Variants in TYW1 observed in about 807,000 individuals in gnomAD.
The protein encoded by TYW1 is tRNA-yW synthesizing protein 1 homolog.
Under a neutral mutation model 96.2 loss-of-function variants are expected in TYW1, and 46 were observed. The ratio of observed to expected loss-of-function variants is 0.48; its 90% CI spans 0.38 to 0.61. TYW1 has a LOEUF of 0.61. Among genes scored for constraint, TYW1 ranks in the 20% least tolerant of loss-of-function variants. TYW1 has a pLI of 0.00. For synonymous variants in TYW1, 274 were observed against 323.0 expected (o/e 0.85, Z 1.63); for missense variants, 684 against 909.6 (o/e 0.75, Z 3.19).
rs187547392 is a variant in TYW1, at chr7:67,185,716, C to T, written c.1809+2480C>T. On this transcript the variant is annotated intron_variant, in intron 14 of 15. Transcript: ENST00000359626. ...AAATAGATCATAGGTTTTATAAGCT[C>T]GAAGTTTCAGGGGTAAGATAGGGCT... 9.5e-4 allele frequency among the ~76,000 whole-genome samples: 145 copies of T among 152,038 alleles called. 1 individual carries two copies. Among genetic ancestry groups the T allele is most frequent in the African/African-American group, 3.4e-3 (140 of 41,422 alleles).
At position 67,202,763 on chromosome 7, in the gene TYW1, TGAA is replaced by T. The variant is rs377513321; in HGVS notation, c.1977+7428_1977+7430del. ...TGCAAACTGCTGCAGTCATGTTGAATGAAGGACTACTTTCCTATTCTTACACCA... is the reference window on the plus strand; with the variant it reads ...TGCAAACTGCTGCAGTCATGTTGAATGGACTACTTTCCTATTCTTACACCA... On this transcript the variant is annotated intron_variant, in intron 15 of 15. Coordinates refer to ENST00000359626, the MANE Select transcript of TYW1 (RefSeq NM_018264.4). Among the ~76,000 whole-genome samples, 36 of 152,294 alleles carry T rather than the reference TGAA, an allele frequency of 2.4e-4. No individual in the cohort carries two copies. In the East Asian group the frequency reaches 6.9e-3, roughly 29 times the overall value.
rs565098500 is a variant in TYW1 at position 67,104,474 on chromosome 7, G to A, written c.1562+5756G>A. On this transcript the variant is annotated intron_variant, in intron 12 of 15. Coordinates refer to ENST00000359626, the MANE Select transcript of TYW1 (RefSeq NM_018264.4). ...ACTCATTATCACGAGAACAGCAAGGGGGACGTCCCCATCACCCAGCCATCT... is the reference window on the plus strand; with the variant it reads ...ACTCATTATCACGAGAACAGCAAGGAGGACGTCCCCATCACCCAGCCATCT... Among the ~76,000 whole-genome samples, 4 of 152,242 alleles carry A rather than the reference G, an allele frequency of 2.6e-5. No homozygotes were observed. The South Asian group carries it at 8.3e-4, about 32-fold the overall frequency.
intron 12 of TYW1, among the ~76,000 whole-genome samples, chr7:67,117,065 T>G (rs1221022660): frequency 6.6e-6 from 1 of 152,058 alleles, no homozygotes; most frequent in African/African-American, 2.4e-5. Flanking sequence ...CGTCAGTGAT[T>G]GATGGAGGGA....
chr7:67,221,963 C>T (rs1418390830), intron 15 of TYW1, among the ~76,000 whole-genome samples: 3 of 151,604 alleles, frequency 2.0e-5, no homozygotes, highest in South Asian at 2.1e-4. Flanking sequence ...TTTGGGAGGC[C>T]GAGGTGGGCA....
chr7:67,106,904 A>G (rs901905704), intron 12 of TYW1, among the ~76,000 whole-genome samples: 1 of 152,070 alleles, frequency 6.6e-6, no homozygotes, highest in African/African-American at 2.4e-5. Flanking sequence ...CCTGCTCCCA[A>G]ATTTCATCCC....
At chr7:67,098,971 T>A (rs1181513859) in intron 12 of TYW1, among the ~76,000 whole-genome samples, 1 of 151,716 alleles carries the variant, frequency 6.6e-6, no homozygotes, top group Non-Finnish European at 1.5e-5. Flanking sequence ...TTTTTCCAAA[T>A]GGGAGAGGCA....
chr7:67,042,874 G>A (rs548656214), intron 7 of TYW1, among the ~76,000 whole-genome samples: 83 of 152,130 alleles, frequency 5.5e-4, no homozygotes, highest in African/African-American at 1.9e-3. Context: ...GCACACGCCT[G>A]TAATCCCAGC....
At chr7:67,168,004 C>T (rs1307232403) in intron 13 of TYW1, among the ~76,000 whole-genome samples, 9 of 152,102 alleles carry the variant, frequency 5.9e-5, no homozygotes, top group Admixed American at 3.3e-4. Context: ...CCGCCCACCT[C>T]GGCCTCCCAA....
rs142723188 is a variant in TYW1, at chr7:67,227,824, G to A, written c.1978-10484G>A. 2.4e-3 allele frequency among the ~76,000 whole-genome samples: 358 copies of A among 152,310 alleles called. 6 individuals carry two copies. Among genetic ancestry groups the A allele is most frequent in the Admixed American group, 0.012 (184 of 15,298 alleles). ...ATAACCCCTCTGCGATAGGACAACC[G>A]GAAGCTCCAGGCATGGAATTCTCCT... On this transcript the variant is annotated intron_variant, in intron 15 of 15. Transcript: ENST00000359626.
In TYW1 at chr7:67,122,105, T is replaced by A. The variant is rs56272520; in HGVS notation, c.1698+4487T>A. ...ATGTGTTTCTGCTGAACTATGATTA[T>A]GCCAAGGTCAAGATCCAGTAGTAAA... On this transcript the variant is annotated intron_variant, in intron 13 of 15. Coordinates refer to ENST00000359626, the MANE Select transcript of TYW1 (RefSeq NM_018264.4). 5.1e-3 allele frequency among the ~76,000 whole-genome samples: 782 copies of A among 152,198 alleles called. 5 individuals carry two copies. Among genetic ancestry groups the A allele is most frequent in the African/African-American group, 0.018 (741 of 41,476 alleles).
intron 15 of TYW1, among the ~76,000 whole-genome samples, chr7:67,214,045 A>G (rs1801129641): frequency 6.6e-6 from 1 of 152,186 alleles, no homozygotes. Context: ...AATGTCTACA[A>G]AATCACTCTC....
intron 15 of TYW1, among the ~76,000 whole-genome samples, chr7:67,208,934 A>G (rs1187091795): frequency 6.6e-6 from 1 of 152,072 alleles, no homozygotes; most frequent in Non-Finnish European, 1.5e-5. Context: ...TCATTTCTTA[A>G]TTGTAGTGAA....
At chr7:67,079,739 C>T (rs1291500455) in intron 10 of TYW1, among the ~76,000 whole-genome samples, 4 of 151,896 alleles carry the variant, frequency 2.6e-5, no homozygotes, top group Non-Finnish European at 5.9e-5. Context: ...TTATTATAAA[C>T]TTCCCTCTTA....
Position 66,998,231 on chromosome 7 carries a change from A to G in TYW1, c.135+36A>G. ...TTATTTTTTTTTTAATGGAGTATTT[A>G]GGCATCAGATTTTATAGAGGATTTA... On this transcript the variant is annotated intron_variant, in intron 2 of 15. Transcript: ENST00000359626. The G allele has an allele frequency of 3.2e-6, 5 of 1,582,068 alleles. No homozygotes were observed. The African/African-American group carries it at 6.9e-5, about 22-fold the overall frequency.
intron 10 of TYW1, among the ~76,000 whole-genome samples, chr7:67,078,621 TG>T: frequency 6.6e-6 from 1 of 152,314 alleles, no homozygotes; most frequent in Non-Finnish European, 1.5e-5. Flanking sequence ...CCCATGGAGA[TG>T]GGGTATCTTT....
intron 15 of TYW1, among the ~76,000 whole-genome samples, chr7:67,226,918 T>C (rs1340436994): frequency 1.3e-5 from 2 of 152,160 alleles, no homozygotes; most frequent in African/African-American, 4.8e-5. Flanking sequence ...ATACTTCCCC[T>C]GCTGTGTGGC....
chr7:67,118,586 G>A (rs1797668336), intron 13 of TYW1, among the ~76,000 whole-genome samples: 1 of 151,774 alleles, frequency 6.6e-6, no homozygotes, highest in Non-Finnish European at 1.5e-5. Flanking sequence ...CCGACTACAC[G>A]TAACCACCTT....
intron 13 of TYW1, among the ~76,000 whole-genome samples, chr7:67,168,482 A>G (rs1394008603): frequency 6.6e-6 from 1 of 152,162 alleles, no homozygotes; most frequent in African/African-American, 2.4e-5. Context: ...AATATTTCAA[A>G]TCAAACACCA....
chr7:67,134,238 A>G (rs1358506848), intron 13 of TYW1, among the ~76,000 whole-genome samples: 1 of 152,058 alleles, frequency 6.6e-6, no homozygotes, highest in African/African-American at 2.4e-5. Context: ...GAAATAAACA[A>G]GTGCTAATAG....
Sources: allele counts gnomAD v4.1 joint callset (sites outside exome capture counted in the v4.1 genomes callset), GRCh38; gene constraint gnomAD v4.1.1; transcripts MANE v1.5; gene names NCBI Gene and HGNC (gene_info 2026-07-23, HGNC 2026-07-21).